Variants in KIF27 observed in about 807,000 individuals in gnomAD.
The protein encoded by KIF27 is kinesin-like protein KIF27.
Under a neutral mutation model 141.8 loss-of-function variants are expected in KIF27, and 84 were observed. That is an observed-to-expected ratio of 0.59 (90% CI 0.50 to 0.71). The LOEUF is 0.71. KIF27 is among the 30% of genes least tolerant of loss of function. KIF27 has a pLI of 0.00. For missense variants in KIF27, 1,306 were observed against 1,628.4 expected (o/e 0.80, Z 3.41); for synonymous variants, 471 against 569.5 (o/e 0.83, Z 2.46).
chr9:83,912,881 C>G (rs766062657), intron 2 of KIF27, among the ~76,000 whole-genome samples: 1 of 151,954 alleles, frequency 6.6e-6, no homozygotes, highest in Admixed American at 6.6e-5. Flanking sequence ...TAAAGCCAGG[C>G]GTGGTGGTTC....
chr9:83,901,132 G>T (rs1953844168), intron 4 of KIF27, among the ~76,000 whole-genome samples: 1 of 152,018 alleles, frequency 6.6e-6, no homozygotes, highest in Non-Finnish European at 1.5e-5. Context: ...CTAGTTTTTT[G>T]ATTTTTTGTA....
intron 13 of KIF27, among the ~76,000 whole-genome samples, chr9:83,867,021 CT>C (rs1266383682): frequency 6.6e-6 from 1 of 150,780 alleles, no homozygotes; most frequent in Non-Finnish European, 1.5e-5. Context: ...CCCACCAACC[CT>C]AGGTAACCAC....
At chr9:83,904,608 T>C (rs1196248290) in intron 3 of KIF27, among the ~76,000 whole-genome samples, 4 of 152,166 alleles carry the variant, frequency 2.6e-5, no homozygotes, top group African/African-American at 9.7e-5. Flanking sequence ...TGACCTCAGG[T>C]GATCCACCTG....
rs549974389 is a variant in KIF27 at position 83,852,985 on chromosome 9, A to G, written c.3357+644T>C. Among the ~76,000 whole-genome samples the G allele has an allele frequency of 2.6e-5, 4 of 152,332 alleles. No homozygotes were observed. In the South Asian group the frequency reaches 8.3e-4, roughly 32 times the overall value. On this transcript the variant is annotated intron_variant, in intron 15 of 17. Transcript: ENST00000297814. ...CCCATAAATTGAATGTACTTTTCAG[A>G]GAAGACTTATCTCATTGTTTAACAC... is the stretch of plus-strand genomic sequence containing the variant.
intron 17 of KIF27, among the ~76,000 whole-genome samples, chr9:83,839,328 G>A (rs1946295899): frequency 6.6e-6 from 1 of 152,166 alleles, no homozygotes; most frequent in African/African-American, 2.4e-5. Flanking sequence ...TTATAATTGA[G>A]GGAACCGACT....
intron 13 of KIF27, among the ~76,000 whole-genome samples, chr9:83,861,173 C>CTTTTA (rs1326461333): frequency 7.1e-4 from 105 of 147,286 alleles, no homozygotes; most frequent in African/African-American, 2.6e-3. Context: ...CCTTGATGGG[C>CTTTTA]TATTTCTTTA....
In KIF27 at chr9:83,899,824, C is replaced by G; in HGVS notation, c.1459-20G>C. ...CACACACTAGTGGGGAAAGAAAGCACAAGTGACATTCACCACAGAAAATAA... is the reference window on the plus strand; with the variant it reads ...CACACACTAGTGGGGAAAGAAAGCAGAAGTGACATTCACCACAGAAAATAA... On this transcript the variant is annotated intron_variant, in intron 4 of 17. Coordinates refer to ENST00000297814, the MANE Select transcript of KIF27 (RefSeq NM_017576.4). The G allele has an allele frequency of 6.3e-7, 1 of 1,588,840 alleles. No individual in the cohort carries two copies. Among genetic ancestry groups the G allele is most frequent in the Non-Finnish European group, 8.6e-7 (1 of 1,165,410 alleles).
intron 16 of KIF27, among the ~76,000 whole-genome samples, chr9:83,842,888 T>C (rs1413175123): frequency 6.6e-6 from 1 of 152,146 alleles, no homozygotes; most frequent in Admixed American, 6.6e-5. Flanking sequence ...CCTGTAAAAT[T>C]TCCCAAAGTA....
At chr9:83,897,076 G>A (rs1290465998) in intron 5 of KIF27, among the ~76,000 whole-genome samples, 1 of 152,012 alleles carries the variant, frequency 6.6e-6, no homozygotes, top group Non-Finnish European at 1.5e-5. Context: ...GCATTCTATA[G>A]TATGTGAATT....
intron 1 of KIF27, among the ~76,000 whole-genome samples, chr9:83,918,762 G>A (rs534312726): frequency 6.6e-6 from 1 of 152,146 alleles, no homozygotes; most frequent in Non-Finnish European, 1.5e-5. Context: ...ACAACATGGT[G>A]TAACCCCATT....
At chr9:83,910,548 A>G (rs1387730285) in intron 2 of KIF27, among the ~76,000 whole-genome samples, 1 of 152,228 alleles carries the variant, frequency 6.6e-6, no homozygotes, top group African/African-American at 2.4e-5. Flanking sequence ...GCTTGAGAGT[A>G]GAAAGGGACA....
At chr9:83,879,834 A>G (rs559779446) in intron 11 of KIF27, among the ~76,000 whole-genome samples, 4 of 152,274 alleles carry the variant, frequency 2.6e-5, no homozygotes, top group Admixed American at 6.5e-5. Context: ...CCCCAGCCCA[A>G]TCTATTCTAG....
At chr9:83,859,699 T>A (rs891626409) in intron 13 of KIF27, 10 of 243,544 alleles carry the variant, frequency 4.1e-5, no homozygotes, top group Non-Finnish European at 7.2e-5. Context: ...GTGCAGCTAA[T>A]TTTTTGTATT....
chr9:83,862,837 C>G (rs1346938975), intron 13 of KIF27, among the ~76,000 whole-genome samples: 1 of 152,020 alleles, frequency 6.6e-6, no homozygotes, highest in Non-Finnish European at 1.5e-5. Flanking sequence ...TGTTTGTATC[C>G]TCTTTTATTT....
chr9:83,837,511 A>G (rs1946015705), intron 17 of KIF27, 26 bp from the exon 18 acceptor site: 1 of 1,553,966 alleles, frequency 6.4e-7, no homozygotes, highest in East Asian at 2.3e-5. Flanking sequence ...AAACCAAAAA[A>G]TTAGATACTA....
intron 1 of KIF27, among the ~76,000 whole-genome samples, chr9:83,920,772 C>CCTGCCTCCCT (rs1439791790): frequency 2.6e-5 from 4 of 152,118 alleles, no homozygotes; most frequent in Non-Finnish European, 5.9e-5. Flanking sequence ...TTTATAGTCA[C>CCTGCCTCCCT]CTGCCTCCGA....
intron 11 of KIF27, among the ~76,000 whole-genome samples, chr9:83,874,169 G>A (rs998623171): frequency 1.3e-5 from 2 of 152,108 alleles, no homozygotes. Flanking sequence ...TGTGTACCAG[G>A]CACTGTGCTA....
rs1425633508 is a variant in KIF27 at position 83,908,507 on chromosome 9, T to C, written c.444A>G (p.Glu148=). 2 of 1,612,806 alleles carry C rather than the reference T, an allele frequency of 1.2e-6. No homozygotes were observed. The highest frequency in any genetic ancestry group is 1.7e-5 in the Admixed American group (1 of 59,966). The change falls in exon 3 of 18, where the codon GAA becomes GAG. Residue 148 remains glutamate, a synonymous_variant. Coordinates refer to ENST00000297814, the MANE Select transcript of KIF27 (RefSeq NM_017576.4). ...GAAGATCCTTCATGGATGTCTCCAA[T>C]TCTAGAAGATCTCTTAGGTCTTCCT... is the stretch of plus-strand genomic sequence containing the variant. ...VYKEDLRDLL[E]LETSMKDLHI...
intron 16 of KIF27, among the ~76,000 whole-genome samples, chr9:83,844,309 G>GATAT (rs1191541388): frequency 1.4e-5 from 1 of 73,706 alleles, no homozygotes; most frequent in Non-Finnish European, 2.6e-5. Context: ...TATATAGAGA[G>GATAT]AGATATAGAT....
Sources: allele counts gnomAD v4.1 joint callset (sites outside exome capture counted in the v4.1 genomes callset), GRCh38; gene constraint gnomAD v4.1.1; transcripts MANE v1.5; gene names NCBI Gene and HGNC (gene_info 2026-07-23, HGNC 2026-07-21).